Variants in PPP2R3A observed in about 807,000 individuals in gnomAD.
The protein encoded by PPP2R3A is protein phosphatase 2 regulatory subunit B''alpha.
PPP2R3A carries 80 observed loss-of-function variants against 106.9 expected under a neutral mutation model. That is an observed-to-expected ratio of 0.75 (90% confidence interval 0.62 to 0.90). The LOEUF is 0.90. PPP2R3A is among the 40% of genes least tolerant of loss of function. The pLI is 0.00. For missense variants in PPP2R3A, 1,386 were observed against 1,350.4 expected (o/e 1.03, Z -0.41); for synonymous variants, 483 against 468.3 (o/e 1.03, Z -0.41).
intron 13 of PPP2R3A, among the ~76,000 whole-genome samples, chr3:136,143,893 A>G (rs1938986178): frequency 1.3e-5 from 2 of 152,328 alleles, no homozygotes; most frequent in South Asian, 4.1e-4. Context: ...CCCAATTGGT[A>G]CCTTTTTGAT....
intron 1 of PPP2R3A, among the ~76,000 whole-genome samples, chr3:135,975,368 C>G (rs1312334269): frequency 1.3e-5 from 2 of 152,118 alleles, no homozygotes; most frequent in Non-Finnish European, 2.9e-5. Flanking sequence ...GTCTGCAAAC[C>G]TACAGGCCTT....
At chr3:136,026,806 G>A (rs1559875467) in intron 2 of PPP2R3A, 26 bp from the exon 3 acceptor site, 2 of 1,560,604 alleles carry the variant, frequency 1.3e-6, no homozygotes, top group South Asian at 1.2e-5. Flanking sequence ...AATTTTTTGT[G>A]TCTCATAATC....
chr3:136,054,765 T>C (rs1050061511), intron 5 of PPP2R3A, among the ~76,000 whole-genome samples: 1 of 152,192 alleles, frequency 6.6e-6, no homozygotes, highest in African/African-American at 2.4e-5. Flanking sequence ...CTGCTAACAG[T>C]CTTAGGTAAA....
chr3:136,099,753 G>A (rs1487848644), intron 10 of PPP2R3A, among the ~76,000 whole-genome samples: 5 of 151,956 alleles, frequency 3.3e-5, no homozygotes, highest in Non-Finnish European at 2.9e-5. Flanking sequence ...AGCCACAATG[G>A]AAAAATTTAA....
chr3:136,123,225 G>A (rs1938064064), intron 13 of PPP2R3A, among the ~76,000 whole-genome samples: 1 of 152,074 alleles, frequency 6.6e-6, no homozygotes, highest in Non-Finnish European at 1.5e-5. Context: ...AGGAGAGATG[G>A]ACTATATAAA....
At chr3:136,016,111 T>C (rs1483718228) in intron 2 of PPP2R3A, among the ~76,000 whole-genome samples, 1 of 152,196 alleles carries the variant, frequency 6.6e-6, no homozygotes, top group Non-Finnish European at 1.5e-5. Flanking sequence ...TTAATTTCCA[T>C]GTATTTGCAT....
intron 5 of PPP2R3A, chr3:136,055,393 C>A: frequency 2.0e-6 from 2 of 979,446 alleles, no homozygotes. Flanking sequence ...TTCCTCTGAC[C>A]CTCTTATCCC....
intron 1 of PPP2R3A, among the ~76,000 whole-genome samples, chr3:135,994,772 A>C (rs898898024): frequency 3.9e-5 from 6 of 152,296 alleles, no homozygotes; most frequent in Admixed American, 3.9e-4. Context: ...ATACCTCTCT[A>C]AACACACCAG....
chr3:136,116,517 A>G (rs1400592141), intron 13 of PPP2R3A, among the ~76,000 whole-genome samples: 1 of 152,246 alleles, frequency 6.6e-6, no homozygotes, highest in Non-Finnish European at 1.5e-5. Flanking sequence ...AAAGACACAT[A>G]TAGGCTCAAA....
rs750878426 is a variant in PPP2R3A at position 136,002,085 on chromosome 3, A to G, written c.587A>G (p.Asn196Ser). 3.1e-6 allele frequency: 5 copies of G among 1,613,970 alleles called. No individual in the cohort carries two copies. The highest frequency in any genetic ancestry group is 4.2e-6 in the Non-Finnish European group (5 of 1,180,010). Residue 196 changes from asparagine (N) to serine (S), a missense_variant, in exon 2 of 14, where the codon AAC (asparagine) becomes AGC (serine). Physicochemically the swap from Asn to Ser is conservative, Grantham distance 46 (BLOSUM62 1). Coordinates refer to ENST00000264977, the MANE Select transcript of PPP2R3A (RefSeq NM_002718.5). Reference sequence around the variant, plus strand: ...TCTCATAGAAACTCACTGGATACGAACCTGACTTCCATGTTTCTTCAAAAC... The same window carrying G: ...TCTCATAGAAACTCACTGGATACGAGCCTGACTTCCATGTTTCTTCAAAAC... ...PLSHRNSLDT[N>S]LTSMFLQNFS...
chr3:136,130,339 G>A (rs1035887912), intron 13 of PPP2R3A, among the ~76,000 whole-genome samples: 11 of 152,122 alleles, frequency 7.2e-5, no homozygotes, highest in Non-Finnish European at 1.6e-4. Context: ...AAAATCAATT[G>A]TGCAAAAATC....
intron 9 of PPP2R3A, 88 bp downstream of exon 9, chr3:136,088,019 G>T: frequency 2.5e-6 from 3 of 1,177,858 alleles, no homozygotes; most frequent in Non-Finnish European, 3.7e-6. Context: ...TGAATAATTT[G>T]GCAGTGCTAT....
At chr3:136,112,603 T>C (rs977855711) in intron 13 of PPP2R3A, among the ~76,000 whole-genome samples, 1 of 152,162 alleles carries the variant, frequency 6.6e-6, no homozygotes, top group Non-Finnish European at 1.5e-5. Context: ...CAACAGTAAT[T>C]ACAAATCACT....
chr3:136,117,627 A>G (rs1476828545), intron 13 of PPP2R3A, among the ~76,000 whole-genome samples: 1 of 152,240 alleles, frequency 6.6e-6, no homozygotes, highest in Non-Finnish European at 1.5e-5. Context: ...TAGAAAATCT[A>G]GAAGAAATGG....
In PPP2R3A at chr3:136,100,708, G is replaced by A. The variant is rs1256552543; in HGVS notation, c.2928-1299G>A. Among the ~76,000 whole-genome samples the A allele has an allele frequency of 6.6e-5, 10 of 151,610 alleles. 1 individual carries two copies. Among genetic ancestry groups the A allele is most frequent in the African/African-American group, 2.2e-4 (9 of 41,234 alleles). ...TGAAAAAAAAATTTAGCTAGGCATC[G>A]TGGCATGCACCTGTAGTTCCAGCTA... is the stretch of plus-strand genomic sequence containing the variant. On this transcript the variant is annotated intron_variant, in intron 10 of 13. Transcript: ENST00000264977.
At chr3:136,020,472 A>G (rs1934426252) in intron 2 of PPP2R3A, among the ~76,000 whole-genome samples, 1 of 152,096 alleles carries the variant, frequency 6.6e-6, no homozygotes, top group African/African-American at 2.4e-5. Flanking sequence ...TAGTAAAGCA[A>G]TTTGAATGTA....
chr3:136,145,111 T>C lies in PPP2R3A; in HGVS notation c.3398T>C (p.Leu1133Ser). The part of the protein sequence containing the change: ...SEFGNKSNKI[L>S]SASLPEKCGK... ...TTTGGAAACAAAAGCAATAAAATATTAAGTGCAAGCCTTCCAGAGAAATGT... is the reference window on the plus strand; with the variant it reads ...TTTGGAAACAAAAGCAATAAAATATCAAGTGCAAGCCTTCCAGAGAAATGT... The change falls in exon 14 of 14, where the codon TTA becomes TCA. Residue 1133 changes from leucine to serine, a missense_variant. Transcript: ENST00000264977. 1 of 1,613,878 alleles carries C rather than the reference T, an allele frequency of 6.2e-7. No individual in the cohort carries two copies. Among genetic ancestry groups the C allele is most frequent in the East Asian group, 2.2e-5 (1 of 44,852 alleles).
At chr3:136,068,935 C>A (rs1936345453) in intron 5 of PPP2R3A, among the ~76,000 whole-genome samples, 1 of 152,082 alleles carries the variant, frequency 6.6e-6, no homozygotes, top group Non-Finnish European at 1.5e-5. Flanking sequence ...AAATGTGTAA[C>A]CTTAATCATG....
intron 1 of PPP2R3A, among the ~76,000 whole-genome samples, chr3:135,985,392 CT>C (rs1216344397): frequency 2.0e-5 from 3 of 149,742 alleles, no homozygotes; most frequent in African/African-American, 4.9e-5. Flanking sequence ...CCCTCTCTCC[CT>C]CTCTCCCTCT....
Sources: allele counts gnomAD v4.1 joint callset (sites outside exome capture counted in the v4.1 genomes callset), GRCh38; gene constraint gnomAD v4.1.1; transcripts MANE v1.5; gene names NCBI Gene and HGNC (gene_info 2026-07-23, HGNC 2026-07-21).